The following MICU3 variants were observed in gnomAD, a reference collection of about 807,000 sequenced individuals.
MICU3 encodes calcium uptake protein 3, mitochondrial.
In MICU3, 62 loss-of-function variants were observed where a neutral mutation model predicts 66.5. That is an observed-to-expected ratio of 0.93 (90% CI 0.76 to 1.15). The LOEUF (loss-of-function observed/expected upper bound fraction) is 1.15, where lower values mean the gene tolerates loss of function less well. Among genes scored for constraint, MICU3 ranks in the 50% most tolerant of loss-of-function variants. The pLI, the probability that MICU3 is intolerant of heterozygous loss-of-function variation, is 0.00. For missense variants in MICU3, 779 were observed against 664.4 expected (o/e 1.17, Z -1.90); for synonymous variants, 308 against 240.7 (o/e 1.28, Z -2.59).
At chr8:17,049,867 A>G (rs1815764424) in intron 1 of MICU3, among the ~76,000 whole-genome samples, 1 of 152,180 alleles carries the variant, frequency 6.6e-6, no homozygotes, top group Admixed American at 6.5e-5. Context: ...CTTTACATAC[A>G]TATATTCCTA....
At chr8:17,043,591 C>A (rs2150536403) in intron 1 of MICU3, among the ~76,000 whole-genome samples, 1 of 152,322 alleles carries the variant, frequency 6.6e-6, no homozygotes, top group Admixed American at 6.5e-5. Flanking sequence ...TCAATCTTTG[C>A]TGTCACATGA....
At chr8:17,051,596 G>A (rs1259349277) in intron 1 of MICU3, among the ~76,000 whole-genome samples, 1 of 152,222 alleles carries the variant, frequency 6.6e-6, no homozygotes, top group African/African-American at 2.4e-5. Flanking sequence ...CAGAGGGATA[G>A]GAGGAAAAGC....
chr8:17,081,339 TG>T (rs1821150997), intron 4 of MICU3, among the ~76,000 whole-genome samples: 1 of 152,142 alleles, frequency 6.6e-6, no homozygotes. Context: ...TATTTTTACT[TG>T]TTTTTTCCTT....
chr8:17,076,320 C>T (rs940293826), intron 3 of MICU3, among the ~76,000 whole-genome samples: 1 of 152,150 alleles, frequency 6.6e-6, no homozygotes, highest in African/African-American at 2.4e-5. Flanking sequence ...TAGGCCTGAG[C>T]CACTGAGTCC....
Position 17,030,083 on chromosome 8 carries a change from T to G in MICU3, c.381+2423T>G, listed in dbSNP as rs185483539. On this transcript the variant is annotated intron_variant, in intron 1 of 14. Coordinates refer to ENST00000318063, the MANE Select transcript of MICU3 (RefSeq NM_181723.3). ...CTTTGTGTTCTCTGTTGTTGATGAGTTATAGCATTCTATTTTGCTTTCTAT... is the reference window on the plus strand; with the variant it reads ...CTTTGTGTTCTCTGTTGTTGATGAGGTATAGCATTCTATTTTGCTTTCTAT... Among the ~76,000 whole-genome samples the G allele has an allele frequency of 9.7e-4, 147 of 152,330 alleles. 1 individual carries two copies. Among genetic ancestry groups the G allele is most frequent in the Non-Finnish European group, 4.0e-4 (27 of 68,026 alleles).
chr8:17,099,712 T>C (rs1176782789), intron 9 of MICU3, among the ~76,000 whole-genome samples: 1 of 151,836 alleles, frequency 6.6e-6, no homozygotes, highest in African/African-American at 2.4e-5. Context: ...GTAATCATTA[T>C]GTAGGCACAT....
At chr8:17,045,547 A>C (rs1814932713) in intron 1 of MICU3, among the ~76,000 whole-genome samples, 1 of 152,228 alleles carries the variant, frequency 6.6e-6, no homozygotes, top group Admixed American at 6.5e-5. Context: ...AAAAAGACCC[A>C]AGAGGGCAGA....
intron 1 of MICU3, among the ~76,000 whole-genome samples, chr8:17,053,928 A>T (rs1232637709): frequency 6.6e-6 from 1 of 152,206 alleles, no homozygotes; most frequent in Non-Finnish European, 1.5e-5. Flanking sequence ...GGCAAATTTC[A>T]GTTATCTTTT....
At chr8:17,115,092 C>G (rs2517040) in intron 12 of MICU3, among the ~76,000 whole-genome samples, 1 of 147,268 alleles carries the variant, frequency 6.8e-6, no homozygotes, top group African/African-American at 2.5e-5. Context: ...GCACTCCAGC[C>G]TGGGCGACAG....
At chr8:17,088,108 GTTTATA>G (rs1563357704) in intron 7 of MICU3, among the ~76,000 whole-genome samples, 1 of 151,880 alleles carries the variant, frequency 6.6e-6, no homozygotes. Context: ...TGAAGTGTAC[GTTTATA>G]TTTAGTTGAA....
chr8:17,049,574 C>T (rs1292787812), intron 1 of MICU3: 2 of 517,488 alleles, frequency 3.9e-6, no homozygotes, highest in Non-Finnish European at 7.7e-6. Flanking sequence ...TTATTTTTCC[C>T]AAGGTAACCT....
chr8:17,118,558 C>T (rs1170119919), intron 13 of MICU3, 149 bp from the exon 14 acceptor site: 4 of 452,358 alleles, frequency 8.8e-6, no homozygotes, highest in Non-Finnish European at 1.2e-5. Context: ...TCCCCCTTTC[C>T]TCCCCAGTCC....
At chr8:17,029,451 G>A (rs1811630668) in intron 1 of MICU3, among the ~76,000 whole-genome samples, 3 of 152,132 alleles carry the variant, frequency 2.0e-5, no homozygotes, top group Admixed American at 2.0e-4. Flanking sequence ...ACCCCAGCCT[G>A]GGTGACAAGA....
chr8:17,096,138 G>A (rs376808345), intron 8 of MICU3, among the ~76,000 whole-genome samples: 39 of 151,814 alleles, frequency 2.6e-4, no homozygotes, highest in African/African-American at 8.9e-4. Flanking sequence ...AAAACTTCAG[G>A]AAGTCTTTGC....
intron 1 of MICU3, among the ~76,000 whole-genome samples, chr8:17,063,785 A>T (rs1818242484): frequency 6.6e-6 from 1 of 152,220 alleles, no homozygotes; most frequent in Admixed American, 6.5e-5. Flanking sequence ...TCCATAATTT[A>T]ATGTTCTTTA....
intron 3 of MICU3, among the ~76,000 whole-genome samples, chr8:17,074,605 G>A (rs966769260): frequency 2.0e-5 from 3 of 150,678 alleles, no homozygotes; most frequent in African/African-American, 7.4e-5. Context: ...GTGTGTGTGT[G>A]TGTGTGTGTG....
chr8:17,069,624 C>G lies in MICU3; in HGVS notation c.536-64C>G, dbSNP rs577661992. The G allele has an allele frequency of 5.7e-6, 6 of 1,048,898 alleles. No homozygotes were observed. The African/African-American group carries it at 9.8e-5, about 17-fold the overall frequency. 65.0% of individuals were successfully genotyped at this position (1,048,898 alleles called of 1,614,324 possible). A position where few individuals can be genotyped will look rare whatever the true frequency, so the allele number is the denominator to read the frequency against. On this transcript the variant is annotated intron_variant, in intron 2 of 14. Transcript: ENST00000318063. ...ATGAGTTATGGTTGTAGATGGTTAG[C>G]AAATATGGATATATATTCCATGAAG...
intron 3 of MICU3, among the ~76,000 whole-genome samples, chr8:17,075,858 A>G (rs1820312279): frequency 6.6e-6 from 1 of 151,996 alleles, no homozygotes; most frequent in South Asian, 2.1e-4. Flanking sequence ...AATAAAAGCT[A>G]GCTTTGATTT....
rs1321060985 is a variant in MICU3, at chr8:17,086,973, A to T, written c.787A>T (p.Ile263Leu). Residue 263 changes from isoleucine to leucine, a missense_variant, in exon 7 of 15, where the codon ATA becomes TTA. Transcript: ENST00000318063. ...TTGATTTCTTTGTCAGCTTCAAGAG[A>T]TATTCAGGAAAAAAAATGAAAAGAG... is the stretch of plus-strand genomic sequence containing the variant. ...DKKEFLVLQE[I>L]FRKKNEKREI... 7 of 1,599,698 alleles carry T rather than the reference A, an allele frequency of 4.4e-6. No homozygotes were observed. In the South Asian group the frequency reaches 7.7e-5, roughly 18 times the overall value.
Sources: gnomAD v4.1 joint callset for allele counts (sites outside exome capture counted in the v4.1 genomes callset) on GRCh38, gnomAD v4.1.1 for gene constraint, MANE v1.5 for transcripts, NCBI Gene and HGNC (gene_info 2026-07-23, HGNC 2026-07-21) for gene names.